Variants in MAP3K20 observed in about 807,000 individuals in gnomAD.
MAP3K20 encodes the protein HCCS-4.
In MAP3K20, 40 loss-of-function variants were observed where a neutral mutation model predicts 85.7. That is an observed-to-expected ratio of 0.47 (90% CI 0.36 to 0.61). The LOEUF is 0.61. Among genes scored for constraint, MAP3K20 ranks in the 20% least tolerant of loss-of-function variants. MAP3K20 has a pLI of 0.00. For missense variants in MAP3K20, 817 were observed against 961.7 expected (o/e 0.85, Z 1.99); for synonymous variants, 325 against 327.7 (o/e 0.99, Z 0.09).
chr2:173,078,992 C>T (rs1686940593), intron 1 of MAP3K20, among the ~76,000 whole-genome samples: 1 of 152,152 alleles, frequency 6.6e-6, no homozygotes, highest in South Asian at 2.1e-4. Flanking sequence ...GTAGTACCTG[C>T]TTCCTAAGGA....
chr2:173,078,851 G>C (rs1686937021), intron 1 of MAP3K20, among the ~76,000 whole-genome samples: 1 of 152,146 alleles, frequency 6.6e-6, no homozygotes, highest in African/African-American at 2.4e-5. Context: ...ACATGATATG[G>C]TAGAAAACAA....
chr2:173,184,144 T>G (rs1690415550), intron 4 of MAP3K20, among the ~76,000 whole-genome samples: 1 of 152,220 alleles, frequency 6.6e-6, no homozygotes, highest in African/African-American at 2.4e-5. Flanking sequence ...GATATTTTCA[T>G]GTAATATCAT....
chr2:173,187,345 A>C (rs1690516685), intron 4 of MAP3K20, among the ~76,000 whole-genome samples: 1 of 152,216 alleles, frequency 6.6e-6, no homozygotes, highest in African/African-American at 2.4e-5. Flanking sequence ...CCCACAGTCA[A>C]ATTCCAACCT....
chr2:173,194,765 GT>G (rs67949386), intron 7 of MAP3K20, among the ~76,000 whole-genome samples: 13 of 148,948 alleles, frequency 8.7e-5, no homozygotes, highest in South Asian at 2.2e-4. Context: ...TAAAAAAAAG[GT>G]TTTTTTTTTA....
intron 3 of MAP3K20, among the ~76,000 whole-genome samples, chr2:173,173,724 ATTAG>A (rs1384584429): frequency 5.3e-5 from 8 of 152,182 alleles, no homozygotes; most frequent in Admixed American, 4.6e-4. Context: ...AATTTATTCT[ATTAG>A]TTATAATTTA....
chr2:173,176,789 ACT>A (rs1333026117), intron 3 of MAP3K20, among the ~76,000 whole-genome samples: 1 of 152,180 alleles, frequency 6.6e-6, no homozygotes. Flanking sequence ...CCAATTATGT[ACT>A]CTCTACAAGA....
At chr2:173,177,708 G>A (rs1574081536) in intron 3 of MAP3K20, among the ~76,000 whole-genome samples, 1 of 152,248 alleles carries the variant, frequency 6.6e-6, no homozygotes, top group East Asian at 1.9e-4. Flanking sequence ...GGGATTACAG[G>A]CGTGAGCCAC....
At chr2:173,171,778 C>T (rs1690007021) in intron 3 of MAP3K20, among the ~76,000 whole-genome samples, 1 of 152,150 alleles carries the variant, frequency 6.6e-6, no homozygotes, top group African/African-American at 2.4e-5. Context: ...CCTGTAGAGC[C>T]AGTAAGTAAG....
At chr2:173,240,022 G>A (rs920272907) in intron 16 of MAP3K20, among the ~76,000 whole-genome samples, 1 of 152,074 alleles carries the variant, frequency 6.6e-6, no homozygotes, top group Non-Finnish European at 1.5e-5. Context: ...AATTATAGTA[G>A]GTTTGTGTTA....
intron 11 of MAP3K20, chr2:173,224,349 T>C: frequency 1.0e-6 from 1 of 985,414 alleles, no homozygotes; most frequent in African/African-American, 1.7e-5. Flanking sequence ...TTAGAACATA[T>C]GAACTGAATG....
intron 16 of MAP3K20, among the ~76,000 whole-genome samples, chr2:173,241,739 C>T (rs1235066233): frequency 6.6e-6 from 1 of 152,146 alleles, no homozygotes; most frequent in Non-Finnish European, 1.5e-5. Context: ...TTGCCTGCAC[C>T]ACTGCAGTTA....
chr2:173,265,984 G>T, intron 19 of MAP3K20, 66 bp from the exon 20 acceptor site: 1 of 1,468,724 alleles, frequency 6.8e-7, no homozygotes. Context: ...TCCTAAGACA[G>T]GCGTATGAAT....
chr2:173,120,253 G>T (rs1341666164), intron 2 of MAP3K20, among the ~76,000 whole-genome samples: 3 of 152,024 alleles, frequency 2.0e-5, no homozygotes, highest in Non-Finnish European at 4.4e-5. Context: ...GGCTTTACCT[G>T]ATGGGGTGAC....
At chr2:173,139,708 C>T (rs1215104811) in intron 2 of MAP3K20, among the ~76,000 whole-genome samples, 1 of 151,928 alleles carries the variant, frequency 6.6e-6, no homozygotes, top group Admixed American at 6.5e-5. Context: ...AAAAAATGAC[C>T]AGTGCTTACT....
chr2:173,103,114 G>A (rs1012924938), intron 2 of MAP3K20, among the ~76,000 whole-genome samples: 1 of 152,072 alleles, frequency 6.6e-6, no homozygotes, highest in Non-Finnish European at 1.5e-5. Context: ...TAATCACTTG[G>A]TGGCTATTTT....
At chr2:173,228,156 C>CT (rs1189796937) in intron 11 of MAP3K20, among the ~76,000 whole-genome samples, 1 of 152,222 alleles carries the variant, frequency 6.6e-6, no homozygotes. Flanking sequence ...TCAGTGTGTA[C>CT]TTTATGTCCT....
chr2:173,115,683 CTT>C (rs1323747165), intron 2 of MAP3K20, among the ~76,000 whole-genome samples: 1 of 152,182 alleles, frequency 6.6e-6, no homozygotes, highest in Non-Finnish European at 1.5e-5. Flanking sequence ...TGTTGTCCGT[CTT>C]CTGGGTCTAG....
At chr2:173,097,363 A>G (rs1331795548) in intron 2 of MAP3K20, among the ~76,000 whole-genome samples, 1 of 152,212 alleles carries the variant, frequency 6.6e-6, no homozygotes, top group Non-Finnish European at 1.5e-5. Flanking sequence ...CTCAAAATCA[A>G]TACAAAAACA....
intron 7 of MAP3K20, 132 bp downstream of exon 7, chr2:173,191,309 A>G: frequency 8.0e-7 from 1 of 1,256,408 alleles, no homozygotes; most frequent in South Asian, 1.7e-5. Flanking sequence ...CTAAAGCAGC[A>G]CCATTGGAGA....
Sources: allele counts gnomAD v4.1 joint callset (sites outside exome capture counted in the v4.1 genomes callset), GRCh38; gene constraint gnomAD v4.1.1; transcripts MANE v1.5; gene names NCBI Gene and HGNC (gene_info 2026-07-23, HGNC 2026-07-21).